RBM39: variants seen among roughly 807,000 people sequenced by gnomAD.
RBM39 encodes the protein RNA-binding protein 39.
A neutral mutation model predicts 79.6 loss-of-function variants in RBM39; 12 were observed. The ratio of observed to expected loss-of-function variants is 0.15; its 90% CI spans 0.10 to 0.24. The LOEUF (loss-of-function observed/expected upper bound fraction) is 0.24, where lower values mean the gene tolerates loss of function less well. Among genes scored for constraint, RBM39 ranks in the 10% least tolerant of loss-of-function variants. RBM39 has a pLI of 1.00. For missense variants in RBM39, 243 were observed against 653.4 expected, an observed-to-expected ratio of 0.37 and a Z score of 6.85; for synonymous variants, 185 against 208.4, an observed-to-expected ratio of 0.89 and a Z score of 0.97.
chr20:35,726,838 T>TC (rs1449719893), intron 6 of RBM39, among the ~76,000 whole-genome samples: 1 of 152,100 alleles, frequency 6.6e-6, no homozygotes, highest in Non-Finnish European at 1.5e-5. Flanking sequence ...AGCTTTTTTT[T>TC]CTTTTTGGAA....
At chr20:35,728,448 GTTTAT>G (rs909475770) in intron 6 of RBM39, among the ~76,000 whole-genome samples, 8 of 151,962 alleles carry the variant, frequency 5.3e-5, no homozygotes, top group South Asian at 2.1e-4. Context: ...AATGCAAAAA[GTTTAT>G]TTTAATTAAA....
intron 3 of RBM39, among the ~76,000 whole-genome samples, chr20:35,736,178 G>C (rs952923244): frequency 6.6e-6 from 1 of 152,028 alleles, no homozygotes; most frequent in Non-Finnish European, 1.5e-5. Context: ...TTTGATTAGA[G>C]AATTGCAAAA....
chr20:35,709,350 C>T, intron 12 of RBM39, 76 bp from the exon 13 acceptor site: 1 of 1,256,432 alleles, frequency 8.0e-7, no homozygotes, highest in South Asian at 1.3e-5. Flanking sequence ...TAAAAGAGGA[C>T]TACAATAGCA....
chr20:35,726,700 A>C (rs1442601161), intron 6 of RBM39, among the ~76,000 whole-genome samples: 1 of 152,268 alleles, frequency 6.6e-6, no homozygotes. Context: ...CTCTGTTACA[A>C]AATATCAATT....
chr20:35,717,903 G>C (rs906231533), intron 9 of RBM39, among the ~76,000 whole-genome samples: 1 of 151,808 alleles, frequency 6.6e-6, no homozygotes, highest in African/African-American at 2.4e-5. Context: ...CTGTGGCGCA[G>C]GCTGGAGTGC....
chr20:35,711,538 G>C (rs1275139305), intron 12 of RBM39, among the ~76,000 whole-genome samples: 1 of 152,128 alleles, frequency 6.6e-6, no homozygotes, highest in Admixed American at 6.5e-5. Flanking sequence ...AACTGGCTTC[G>C]CTGTCAGAAA....
intron 12 of RBM39, among the ~76,000 whole-genome samples, chr20:35,711,420 C>T (rs1338639120): frequency 1.3e-5 from 2 of 152,076 alleles, no homozygotes; most frequent in Non-Finnish European, 2.9e-5. Flanking sequence ...ACACTATAAG[C>T]TCAAAATAAA....
chr20:35,741,030 CTTTTTTTTTT>C (rs572102658), intron 1 of RBM39, 143 bp from the exon 2 acceptor site: 9 of 127,296 alleles, frequency 7.1e-5, no homozygotes, highest in Admixed American at 2.9e-4. Context: ...AAACATTTTT[CTTTTTTTTTT>C]TTTTTTTTTT....
At chr20:35,739,078 A>C in intron 2 of RBM39, 61 bp from the exon 3 acceptor site, 3 of 1,312,798 alleles carry the variant, frequency 2.3e-6, no homozygotes, top group Non-Finnish European at 3.3e-6. Context: ...AAGTTGTCAA[A>C]GGGTAAAGGG....
At chr20:35,735,100 A>T (rs1433390523) in intron 3 of RBM39, 6 of 1,529,246 alleles carry the variant, frequency 3.9e-6, no homozygotes, top group Non-Finnish European at 5.2e-6. Flanking sequence ...TAAGAAAAAA[A>T]ATAGAAAAGT....
At chr20:35,728,472 A>G (rs1335257374) in intron 6 of RBM39, among the ~76,000 whole-genome samples, 1 of 152,208 alleles carries the variant, frequency 6.6e-6, no homozygotes, top group Non-Finnish European at 1.5e-5. Context: ...AAATAGGAAA[A>G]TAAGATTACA....
intron 5 of RBM39, 30 bp from the exon 6 acceptor site, chr20:35,729,395 C>G: frequency 6.2e-7 from 1 of 1,603,430 alleles, no homozygotes; most frequent in Non-Finnish European, 8.5e-7. Flanking sequence ...CAGAAGTTAT[C>G]CAAACAAGTA....
intron 3 of RBM39, chr20:35,734,272 T>C: frequency 7.8e-7 from 1 of 1,284,120 alleles, no homozygotes; most frequent in Non-Finnish European, 1.0e-6. Flanking sequence ...AATTTCAAGA[T>C]AATCCACCTG....
intron 11 of RBM39, chr20:35,713,666 C>CAAAAAAAAAAAAAAAAAAAAAAAAAAA (rs56909848): frequency 8.6e-5 from 3 of 34,728 alleles, no homozygotes; most frequent in Middle Eastern, 0.025. Context: ...CCAACCAACA[C>CAAAAAAAAAAAAAAAAAAAAAAAAAAA]AAAAAAAAAA....
intron 6 of RBM39, among the ~76,000 whole-genome samples, chr20:35,728,103 A>G (rs1361075817): frequency 1.3e-5 from 2 of 152,172 alleles, no homozygotes; most frequent in Non-Finnish European, 2.9e-5. Context: ...TCTTATTTTT[A>G]AGAGTAAAAT....
At chr20:35,724,076 A>C (rs552481897) in intron 8 of RBM39, among the ~76,000 whole-genome samples, 7 of 152,174 alleles carry the variant, frequency 4.6e-5, no homozygotes, top group African/African-American at 1.7e-4. Context: ...TCACAACTGT[A>C]ATCTCAGCAC....
intron 11 of RBM39, chr20:35,713,618 C>G (rs905539255): frequency 6.9e-6 from 1 of 144,460 alleles, no homozygotes; most frequent in Middle Eastern, 3.6e-3. Context: ...AGCTACCGCA[C>G]CCGGCAGAAA....
At chr20:35,710,497 G>T (rs1047818953) in intron 12 of RBM39, 3 of 152,078 alleles carry the variant, frequency 2.0e-5, no homozygotes, top group Non-Finnish European at 4.4e-5. Flanking sequence ...TTTCAAAAAT[G>T]ATTTGTCATA....
chr20:35,704,236 A>T lies in RBM39; in HGVS notation c.*245T>A, dbSNP rs943516452. On this transcript the variant is annotated 3_prime_UTR_variant, in exon 17 of 17. Coordinates refer to ENST00000253363, the MANE Select transcript of RBM39 (RefSeq NM_184234.3). ...CTAGAGCTATTCCTATAGTTCATTA[A>T]TTTTCTACATGAACATTTTAAAAGG... 2.2e-5 allele frequency: 7 copies of T among 313,870 alleles called. No individual in the cohort carries two copies. The highest frequency in any genetic ancestry group is 1.5e-4 in the African/African-American group (7 of 46,388). 19.4% of individuals were successfully genotyped at this position (313,870 alleles called of 1,614,324 possible). A position where few individuals can be genotyped will look rare whatever the true frequency, so the allele number is the denominator to read the frequency against.
Sources: allele counts gnomAD v4.1 joint callset (sites outside exome capture counted in the v4.1 genomes callset), GRCh38; gene constraint gnomAD v4.1.1; transcripts MANE v1.5; gene names NCBI Gene and HGNC (gene_info 2026-07-23, HGNC 2026-07-21).